Variants in FAM124A observed in about 807,000 individuals in gnomAD.
FAM124A encodes family with sequence similarity 124 member A, also known as protein FAM124A.
In FAM124A, 23 loss-of-function variants were observed where a neutral mutation model predicts 24.5. The ratio of observed to expected loss-of-function variants is 0.94; its 90% CI spans 0.68 to 1.33. FAM124A has a LOEUF of 1.33. Ranked by LOEUF, FAM124A falls within the 40% of genes most tolerant of loss-of-function variation. The pLI is 0.00. For missense variants in FAM124A, 623 were observed against 722.8 expected, an observed-to-expected ratio of 0.86 and a Z score of 1.58; for synonymous variants, 287 against 314.7, an observed-to-expected ratio of 0.91 and a Z score of 0.93.
chr13:51,253,370 ATACT>A (rs778927434), intron 3 of FAM124A: 1 of 152,256 alleles, frequency 6.6e-6, no homozygotes, highest in Non-Finnish European at 1.5e-5. Context: ...TCACCTTGAG[ATACT>A]TACTATTTAT....
intron 2 of FAM124A, among the ~76,000 whole-genome samples, chr13:51,238,577 C>G (rs923983302): frequency 6.6e-6 from 1 of 152,150 alleles, no homozygotes; most frequent in Non-Finnish European, 1.5e-5. Flanking sequence ...GTGGTTTATT[C>G]TAAAACACGG....
rs1954945261 is a variant in FAM124A at position 51,282,063 on chromosome 13, A to G, written c.*807A>G. 1 of 152,176 alleles carries G rather than the reference A, an allele frequency of 6.6e-6. No homozygotes were observed. Among genetic ancestry groups the G allele is most frequent in the African/African-American group, 2.4e-5 (1 of 41,440 alleles). The allele number at this position is 152,176 out of a possible 1,614,324, so 9.4% of individuals were successfully genotyped here. On this transcript the variant is annotated 3_prime_UTR_variant, in exon 4 of 4. Coordinates refer to ENST00000322475, the MANE Select transcript of FAM124A (RefSeq NM_001242312.2). ...TTTATTTGGATCACTGAGGAAGAGC[A>G]TTTGTTGGGATTACAGAATTATAGG...
rs906102995 is a variant in FAM124A, at chr13:51,282,077, C to T, written c.*821C>T. 1.3e-5 allele frequency: 2 copies of T among 152,148 alleles called. No homozygotes were observed. Among genetic ancestry groups the T allele is most frequent in the Admixed American group, 1.3e-4 (2 of 15,276 alleles). The allele number at this position is 152,148 out of a possible 1,614,324, so 9.4% of individuals were successfully genotyped here. A position where few individuals can be genotyped will look rare whatever the true frequency, so the allele number is the denominator to read the frequency against. ...TGAGGAAGAGCATTTGTTGGGATTACAGAATTATAGGCCATTAGACATCAT... is the reference window on the plus strand; with the variant it reads ...TGAGGAAGAGCATTTGTTGGGATTATAGAATTATAGGCCATTAGACATCAT... On this transcript the variant is annotated 3_prime_UTR_variant, in exon 4 of 4. Transcript: ENST00000322475.
intron 2 of FAM124A, among the ~76,000 whole-genome samples, chr13:51,234,557 T>C (rs1464174846): frequency 6.6e-6 from 1 of 152,080 alleles, no homozygotes; most frequent in Non-Finnish European, 1.5e-5. Context: ...TGTTTCCTCC[T>C]CTGTAAATAA....
chr13:51,242,536 T>G (rs1047206989), intron 2 of FAM124A, among the ~76,000 whole-genome samples: 3 of 152,212 alleles, frequency 2.0e-5, no homozygotes, highest in Admixed American at 6.5e-5. Flanking sequence ...CCTTCTGGTC[T>G]TCTCCCAGAA....
chr13:51,240,543 A>T (rs552585031), intron 2 of FAM124A, among the ~76,000 whole-genome samples: 1 of 152,184 alleles, frequency 6.6e-6, no homozygotes, highest in Non-Finnish European at 1.5e-5. Context: ...AGGCTTGAGG[A>T]GAGTGAGGCT....
intron 3 of FAM124A, among the ~76,000 whole-genome samples, chr13:51,254,111 G>A (rs1000465866): frequency 4.6e-5 from 7 of 152,138 alleles, no homozygotes; most frequent in African/African-American, 1.7e-4. Flanking sequence ...TTGGGGGGAG[G>A]AGCAGTTGAG....
intron 3 of FAM124A, among the ~76,000 whole-genome samples, chr13:51,266,860 T>A (rs1954790563): frequency 6.6e-6 from 1 of 152,190 alleles, no homozygotes; most frequent in Non-Finnish European, 1.5e-5. Flanking sequence ...TCAGGAGGAA[T>A]TTATGTCATG....
At chr13:51,235,669 C>T (rs997056919) in intron 2 of FAM124A, among the ~76,000 whole-genome samples, 1 of 152,210 alleles carries the variant, frequency 6.6e-6, no homozygotes, top group African/African-American at 2.4e-5. Flanking sequence ...AAAACTGTTC[C>T]TCCTCAAAAC....
chr13:51,226,361 G>A (rs1164478610), intron 1 of FAM124A, among the ~76,000 whole-genome samples: 2 of 151,912 alleles, frequency 1.3e-5, no homozygotes, highest in Non-Finnish European at 2.9e-5. Flanking sequence ...GGGGATGGAT[G>A]GCTTTAGGTA....
intron 2 of FAM124A, chr13:51,245,185 C>T (rs1254910108): frequency 4.5e-6 from 2 of 444,106 alleles, no homozygotes; most frequent in South Asian, 5.6e-5. Context: ...TTACATAGGG[C>T]ACAAAAGATT....
chr13:51,236,376 T>G (rs9568557), intron 2 of FAM124A, among the ~76,000 whole-genome samples: 7,366 of 152,350 alleles, frequency 0.048, 341 homozygotes, highest in East Asian at 0.27. Flanking sequence ...AAATGCTGCC[T>G]TCTCCCTTTA....
At chr13:51,257,414 G>A (rs1021934236) in intron 3 of FAM124A, among the ~76,000 whole-genome samples, 5 of 152,204 alleles carry the variant, frequency 3.3e-5, no homozygotes, top group Middle Eastern at 3.2e-3. Flanking sequence ...GACAGTGGTT[G>A]GAAAGAGTGG....
intron 2 of FAM124A, among the ~76,000 whole-genome samples, chr13:51,239,438 A>G (rs1167595450): frequency 1.3e-5 from 2 of 152,212 alleles, no homozygotes; most frequent in Non-Finnish European, 2.9e-5. Context: ...TTTATAGTCT[A>G]ATTTTCTAAC....
At position 51,281,700 on chromosome 13, in the gene FAM124A, G is replaced by GT. The variant is rs1395177463; in HGVS notation, c.*445dup. The GT allele has an allele frequency of 1.3e-5, 2 of 156,060 alleles. No homozygotes were observed. Among genetic ancestry groups the GT allele is most frequent in the Non-Finnish European group, 2.8e-5 (2 of 70,948 alleles). The allele number at this position is 156,060 out of a possible 1,614,324, so 9.7% of individuals were successfully genotyped here. ...GTATGAGGGATTACTGCATAATAACGTAACGCACACCTTACTGGATTCTCC... is the reference window on the plus strand; with the variant it reads ...GTATGAGGGATTACTGCATAATAACGTTAACGCACACCTTACTGGATTCTCC... On this transcript the variant is annotated 3_prime_UTR_variant, in exon 4 of 4. Coordinates refer to ENST00000322475, the MANE Select transcript of FAM124A (RefSeq NM_001242312.2).
intron 2 of FAM124A, among the ~76,000 whole-genome samples, chr13:51,242,797 G>C (rs1297853040): frequency 6.6e-6 from 1 of 151,914 alleles, no homozygotes; most frequent in African/African-American, 2.4e-5. Flanking sequence ...TTTAGAATGA[G>C]CTCAGGAATA....
chr13:51,277,359 G>A (rs1209314253), intron 3 of FAM124A, among the ~76,000 whole-genome samples: 3 of 152,162 alleles, frequency 2.0e-5, no homozygotes, highest in Non-Finnish European at 4.4e-5. Context: ...CCAGGGGTGA[G>A]GGCTGAAAAT....
At chr13:51,237,177 G>A (rs1424553493) in intron 2 of FAM124A, among the ~76,000 whole-genome samples, 1 of 152,168 alleles carries the variant, frequency 6.6e-6, no homozygotes, top group African/African-American at 2.4e-5. Context: ...CTCAGTTCAG[G>A]TCTGCCCCTA....
At chr13:51,225,423 A>G (rs1435093186) in intron 1 of FAM124A, 1 of 152,178 alleles carries the variant, frequency 6.6e-6, no homozygotes, top group Non-Finnish European at 1.5e-5. Flanking sequence ...TATGTATTTC[A>G]TGGACTCCTC....
Sources: gnomAD v4.1 joint callset for allele counts (sites outside exome capture counted in the v4.1 genomes callset) on GRCh38, gnomAD v4.1.1 for gene constraint, MANE v1.5 for transcripts, NCBI Gene and HGNC (gene_info 2026-07-23, HGNC 2026-07-21) for gene names.